Variants in PTPRD observed in about 807,000 individuals in gnomAD.
The protein encoded by PTPRD is protein tyrosine phosphatase receptor type D.
In PTPRD, 34 loss-of-function variants were observed where a neutral mutation model predicts 214.5. That is an observed-to-expected ratio of 0.16 (90% confidence interval 0.12 to 0.21). The LOEUF (loss-of-function observed/expected upper bound fraction) is 0.21. Ranked by LOEUF, PTPRD falls within the 10% of genes least tolerant of loss-of-function variation. PTPRD has a pLI of 1.00. For missense variants in PTPRD, 2,545 were observed against 2,398.7 expected (o/e 1.06, Z -1.27); for synonymous variants, 1,128 against 845.7 (o/e 1.33, Z -5.79).
intron 10 of PTPRD, among the ~76,000 whole-genome samples, chr9:9,116,987 T>C (rs1380960822): frequency 6.6e-6 from 1 of 152,124 alleles, no homozygotes; most frequent in East Asian, 1.9e-4. Flanking sequence ...TCAGGGTGTG[T>C]GTGTGTCACA....
chr9:9,938,052 T>C (rs1010583661), intron 5 of PTPRD, among the ~76,000 whole-genome samples: 4 of 152,098 alleles, frequency 2.6e-5, no homozygotes, highest in African/African-American at 9.7e-5. Context: ...CCTTATTGCC[T>C]AACTCTGGAA....
chr9:10,199,076 C>T (rs556625766), intron 3 of PTPRD, among the ~76,000 whole-genome samples: 2 of 151,276 alleles, frequency 1.3e-5, no homozygotes, highest in East Asian at 3.9e-4. Flanking sequence ...TTTCTTCAGG[C>T]TTTCAAATCC....
At chr9:10,252,371 T>C (rs970161677) in intron 3 of PTPRD, among the ~76,000 whole-genome samples, 5 of 152,024 alleles carry the variant, frequency 3.3e-5, no homozygotes, top group Admixed American at 6.5e-5. Context: ...AGGCCACAAG[T>C]AGAGGTTATG....
At chr9:9,717,241 T>C (rs1436673972) in intron 7 of PTPRD, among the ~76,000 whole-genome samples, 1 of 152,222 alleles carries the variant, frequency 6.6e-6, no homozygotes, top group African/African-American at 2.4e-5. Context: ...CCATGCTGTT[T>C]TGCTTACTAT....
intron 8 of PTPRD, among the ~76,000 whole-genome samples, chr9:9,493,787 C>CAA (rs750252052): frequency 5.2e-3 from 281 of 53,730 alleles, no homozygotes; most frequent in Middle Eastern, 0.039. Flanking sequence ...GACTCCGTCT[C>CAA]AAAAAAAAAA....
chr9:8,836,531 T>C (rs1294829135), intron 11 of PTPRD, among the ~76,000 whole-genome samples: 2 of 151,720 alleles, frequency 1.3e-5, no homozygotes, highest in African/African-American at 2.4e-5. Context: ...CTCTGACCTT[T>C]GATACACATT....
chr9:9,513,378 T>G (rs1300130060), intron 8 of PTPRD, among the ~76,000 whole-genome samples: 1 of 151,990 alleles, frequency 6.6e-6, no homozygotes, highest in East Asian at 1.9e-4. Flanking sequence ...TGTTATGACT[T>G]GACTATACTC....
At chr9:9,092,465 T>C (rs747955630) in intron 10 of PTPRD, among the ~76,000 whole-genome samples, 10 of 152,064 alleles carry the variant, frequency 6.6e-5, no homozygotes, top group Non-Finnish European at 8.8e-5. Context: ...ATATTACTCT[T>C]ATGCTTCATG....
chr9:10,387,694 G>A (rs2097947720), intron 2 of PTPRD, among the ~76,000 whole-genome samples: 1 of 150,994 alleles, frequency 6.6e-6, no homozygotes, highest in African/African-American at 2.4e-5. Flanking sequence ...ACAAATGAAA[G>A]CTTCAAGAGG....
chr9:8,688,226 A>G (rs1039079168), intron 12 of PTPRD, among the ~76,000 whole-genome samples: 2 of 152,154 alleles, frequency 1.3e-5, no homozygotes, highest in Non-Finnish European at 2.9e-5. Context: ...CTTTCAGTAC[A>G]TAAGATCAAA....
chr9:9,845,161 GAGCAATATATATATATATATTGCTC>G (rs753886008), intron 5 of PTPRD, among the ~76,000 whole-genome samples: 18,782 of 36,592 alleles, frequency 0.51, 2,861 homozygotes, highest in Middle Eastern at 0.58. Flanking sequence ...TCTATATATA[GAGCAATATATATATATATATTGCTC>G]TATATATATA....
At chr9:9,326,645 A>ATT (rs879899952) in intron 9 of PTPRD, among the ~76,000 whole-genome samples, 5 of 149,844 alleles carry the variant, frequency 3.3e-5, no homozygotes, top group African/African-American at 9.8e-5. Flanking sequence ...AGCATTGAAG[A>ATT]TTTTTTTTTT....
At chr9:10,347,019 A>G (rs1035348758) in intron 2 of PTPRD, among the ~76,000 whole-genome samples, 1 of 152,200 alleles carries the variant, frequency 6.6e-6, no homozygotes, top group African/African-American at 2.4e-5. Flanking sequence ...GCCACATGCT[A>G]GACCATGGGA....
rs145703989 is a variant in PTPRD at position 9,450,950 on chromosome 9, TACACACACACACAC to T, written c.-236-53482_-236-53469del. ...ACATCTAAGTAAATACATACATACA[TACACACACACACAC>T]ACACACACACACACACACACACAGA... On this transcript the variant is annotated intron_variant, in intron 8 of 45. Coordinates refer to ENST00000381196, the MANE Select transcript of PTPRD (RefSeq NM_002839.4). 1.2e-4 allele frequency among the ~76,000 whole-genome samples: 17 copies of T among 136,682 alleles called. No individual in the cohort carries two copies. The East Asian group carries it at 3.3e-3, about 26-fold the overall frequency. 89.7% of individuals were successfully genotyped at this position (136,682 alleles called of 152,430 possible).
chr9:10,590,663 G>C (rs1567097678), intron 2 of PTPRD, among the ~76,000 whole-genome samples: 1 of 151,644 alleles, frequency 6.6e-6, no homozygotes, highest in Non-Finnish European at 1.5e-5. Context: ...TTTTATTGCT[G>C]TATAGTATTC....
At chr9:9,184,181 G>T (rs2099929968) in intron 9 of PTPRD, among the ~76,000 whole-genome samples, 1 of 151,964 alleles carries the variant, frequency 6.6e-6, no homozygotes, top group South Asian at 2.1e-4. Context: ...TTAGTTAGAT[G>T]AATCTCCTAG....
chr9:8,909,557 T>C (rs895082531), intron 11 of PTPRD, among the ~76,000 whole-genome samples: 6 of 152,110 alleles, frequency 3.9e-5, no homozygotes, highest in African/African-American at 1.2e-4. Flanking sequence ...CCATTCCAGA[T>C]ACAAACTTTC....
chr9:9,786,239 C>A (rs116032673), intron 5 of PTPRD, among the ~76,000 whole-genome samples: 1 of 92,802 alleles, frequency 1.1e-5, no homozygotes, highest in African/African-American at 6.0e-5. Context: ...CCTGCATAAA[C>A]TAATGAAAAC....
chr9:8,956,308 G>A (rs994309898), intron 11 of PTPRD, among the ~76,000 whole-genome samples: 1 of 151,416 alleles, frequency 6.6e-6, no homozygotes, highest in African/African-American at 2.4e-5. Context: ...TTTTCTTCAA[G>A]GAAAGAAAAA....
Sources: allele counts gnomAD v4.1 joint callset (sites outside exome capture counted in the v4.1 genomes callset), GRCh38; gene constraint gnomAD v4.1.1; transcripts MANE v1.5; gene names NCBI Gene and HGNC (gene_info 2026-07-23, HGNC 2026-07-21).